Variants in NME5 observed in about 807,000 individuals in gnomAD.
NME5 encodes the protein NME/NM23 family member 5.
A neutral mutation model predicts 21.6 loss-of-function variants in NME5; 18 were observed. That is an observed-to-expected ratio of 0.83 (90% CI 0.58 to 1.24). NME5 has a LOEUF of 1.24. Among genes scored for constraint, NME5 ranks in the 50% most tolerant of loss-of-function variants. The pLI is 0.00. For synonymous variants in NME5, 70 were observed against 80.6 expected (o/e 0.87, Z 0.71); for missense variants, 223 against 255.4 (o/e 0.87, Z 0.86).
chr5:138,127,477 C>A, intron 4 of NME5: 1 of 976,116 alleles, frequency 1.0e-6, no homozygotes. Context: ...GAATGAATAT[C>A]CAGTGGAAAA....
At chr5:138,131,335 C>T (rs1195115351) in intron 2 of NME5, among the ~76,000 whole-genome samples, 2 of 150,012 alleles carry the variant, frequency 1.3e-5, no homozygotes, top group East Asian at 2.0e-4. Context: ...GAGCCAAGAT[C>T]GTGTCACTGC....
In NME5 at chr5:138,129,465, TTC is replaced by T; in HGVS notation, c.131_132del (p.Arg44LysfsTer8). On this transcript the variant is annotated frameshift_variant and splice_region_variant, in exon 3 of 6. Coordinates refer to ENST00000265191, the MANE Select transcript of NME5 (RefSeq NM_003551.3). LOFTEE classifies it high-confidence loss of function. Reference sequence around the variant, plus strand: ...TGCTCAGGGCTGAGGCGTAGTTTTCTTCTCTATAAAAGACACAAAGTCAACAA... The same window carrying T: ...TGCTCAGGGCTGAGGCGTAGTTTTCTTCTATAAAAGACACAAAGTCAACAA... ...ILRSGFTIVQ[R>X]RKLRLSPEQC... 1 of 1,612,914 alleles carries T rather than the reference TTC, an allele frequency of 6.2e-7. No homozygotes were observed. Among genetic ancestry groups the T allele is most frequent in the Middle Eastern group, 1.7e-4 (1 of 6,058 alleles).
chr5:138,121,847 A>C (rs752583506), intron 4 of NME5, among the ~76,000 whole-genome samples: 8 of 152,102 alleles, frequency 5.3e-5, no homozygotes, highest in Non-Finnish European at 8.8e-5. Context: ...GATTACATTA[A>C]AATTTTCTTT....
At chr5:138,126,921 TG>T (rs1751440570) in intron 4 of NME5, among the ~76,000 whole-genome samples, 1 of 152,094 alleles carries the variant, frequency 6.6e-6, no homozygotes, top group Non-Finnish European at 1.5e-5. Flanking sequence ...CACTCCAGCC[TG>T]GGTGACAGAC....
intron 4 of NME5, among the ~76,000 whole-genome samples, chr5:138,120,045 C>G (rs1171566796): frequency 6.6e-6 from 1 of 151,742 alleles, no homozygotes; most frequent in African/African-American, 2.4e-5. Flanking sequence ...GAAGCATCCT[C>G]TGGCTTCAGC....
At chr5:138,123,415 C>T (rs1390187101) in intron 4 of NME5, among the ~76,000 whole-genome samples, 1 of 152,138 alleles carries the variant, frequency 6.6e-6, no homozygotes, top group East Asian at 1.9e-4. Context: ...CCATTCTACT[C>T]TCCGAGTTCA....
At chr5:138,119,127 T>C (rs72801681) in intron 4 of NME5, among the ~76,000 whole-genome samples, 191 bp from the exon 5 acceptor site, 27,969 of 151,960 alleles carry the variant, frequency 0.18, 2,751 homozygotes, top group Middle Eastern at 0.21. Context: ...CCTGGGTTCA[T>C]GTGATTCTCC....
intron 5 of NME5, chr5:138,116,622 T>C (rs1751161996): frequency 6.6e-6 from 1 of 152,172 alleles, no homozygotes; most frequent in Non-Finnish European, 1.5e-5. Context: ...TACAGAGAGA[T>C]TATTAGCATG....
In NME5 at chr5:138,139,352, A is replaced by G; in HGVS notation, c.-6+19T>C. The stretch of plus-strand genomic sequence containing the variant: ...GTTGCACCTGCAAATTCTGAATTTG[A>G]CCCTCTCTAAGTACTCACCTCAGCG... On this transcript the variant is annotated intron_variant, in intron 1 of 5. Coordinates refer to ENST00000265191, the MANE Select transcript of NME5 (RefSeq NM_003551.3). 4.1e-6 allele frequency: 4 copies of G among 985,832 alleles called. No homozygotes were observed. Among genetic ancestry groups the G allele is most frequent in the Non-Finnish European group, 4.8e-6 (4 of 830,370 alleles). The allele number at this position is 985,832 out of a possible 1,614,324, so 61.1% of individuals were successfully genotyped here.
chr5:138,115,528 CATAGA>C lies in NME5; in HGVS notation c.*148_*152del. The C allele has an allele frequency of 2.1e-6, 1 of 477,868 alleles. No homozygotes were observed. Among genetic ancestry groups the C allele is most frequent in the Non-Finnish European group, 3.6e-6 (1 of 275,364 alleles). The allele number at this position is 477,868 out of a possible 1,614,324, so 29.6% of individuals were successfully genotyped here. A position where few individuals can be genotyped will look rare whatever the true frequency, so the allele number is the denominator to read the frequency against. Reference sequence around the variant, plus strand: ...TATTTTACCTTAATGTTATCTGCTTCATAGAATAGTTATTCCTTTAACACTTATTT... The same window carrying C: ...TATTTTACCTTAATGTTATCTGCTTCATAGTTATTCCTTTAACACTTATTT... On this transcript the variant is annotated 3_prime_UTR_variant, in exon 6 of 6. Coordinates refer to ENST00000265191, the MANE Select transcript of NME5 (RefSeq NM_003551.3).
chr5:138,135,398 G>A (rs1265552737), intron 2 of NME5, among the ~76,000 whole-genome samples: 3 of 150,570 alleles, frequency 2.0e-5, no homozygotes, highest in East Asian at 2.0e-4. Flanking sequence ...GCAATGGCAC[G>A]ATCTTGACTC....
chr5:138,129,532 T>G (rs906081261), intron 2 of NME5, 64 bp from the exon 3 acceptor site: 2 of 1,182,830 alleles, frequency 1.7e-6, no homozygotes, highest in Non-Finnish European at 2.5e-6. Context: ...CTCATTAAAA[T>G]CATTAGTAAC....
At chr5:138,122,532 T>C (rs970810079) in intron 4 of NME5, among the ~76,000 whole-genome samples, 14 of 151,570 alleles carry the variant, frequency 9.2e-5, no homozygotes, top group African/African-American at 3.1e-4. Context: ...TTTTACAGCT[T>C]TATTGAAGTA....
At position 138,115,383 on chromosome 5, in the gene NME5, A is replaced by G. The variant is rs1056746790; in HGVS notation, c.*298T>C. ...ATAGGATATGTGCTTGGGAAAATGT[A>G]TAACTAAACTTTATGTCTTACTTCT... On this transcript the variant is annotated 3_prime_UTR_variant, in exon 6 of 6. Coordinates refer to ENST00000265191, the MANE Select transcript of NME5 (RefSeq NM_003551.3). The G allele has an allele frequency of 2.0e-5, 4 of 200,448 alleles. No individual in the cohort carries two copies. The highest frequency in any genetic ancestry group is 2.3e-5 in the African/African-American group (1 of 43,090). 12.4% of individuals were successfully genotyped at this position (200,448 alleles called of 1,614,324 possible).
intron 5 of NME5, chr5:138,116,318 A>T (rs1035671226): frequency 6.6e-6 from 1 of 152,232 alleles, no homozygotes; most frequent in African/African-American, 2.4e-5. Context: ...TTCCCAAAGC[A>T]ATCTACAGAT....
intron 5 of NME5, chr5:138,116,771 T>C (rs1751166302): frequency 6.5e-6 from 1 of 153,770 alleles, no homozygotes; most frequent in African/African-American, 2.4e-5. Context: ...CCACTGGACT[T>C]GGAGAAAGAA....
intron 4 of NME5, among the ~76,000 whole-genome samples, chr5:138,125,164 C>A: frequency 6.6e-6 from 1 of 152,138 alleles, no homozygotes; most frequent in Non-Finnish European, 1.5e-5. Flanking sequence ...TCAAGTGATT[C>A]TCCCGCCTCA....
intron 2 of NME5, among the ~76,000 whole-genome samples, chr5:138,134,373 A>G (rs1751642272): frequency 6.6e-6 from 1 of 152,080 alleles, no homozygotes; most frequent in Admixed American, 6.5e-5. Context: ...CCTCCTGAGT[A>G]GCTGGGATTA....
At chr5:138,117,232 G>GA (rs1225536526) in intron 5 of NME5, among the ~76,000 whole-genome samples, 2 of 123,040 alleles carry the variant, frequency 1.6e-5, no homozygotes, top group Non-Finnish European at 3.5e-5. Flanking sequence ...AAAAAGGAAA[G>GA]AAAAAAAATC....
Sources: allele counts gnomAD v4.1 joint callset (sites outside exome capture counted in the v4.1 genomes callset), GRCh38; gene constraint gnomAD v4.1.1; transcripts MANE v1.5; gene names NCBI Gene and HGNC (gene_info 2026-07-23, HGNC 2026-07-21).